C8orf34: variants seen among roughly 807,000 people sequenced by gnomAD.
The protein encoded by C8orf34 is uncharacterized protein C8orf34.
In C8orf34, 65 loss-of-function variants were observed where a neutral mutation model predicts 68.3. The observed-to-expected ratio is 0.95, with a 90% CI of 0.78 to 1.17. The LOEUF (loss-of-function observed/expected upper bound fraction) is 1.17, where lower values mean the gene tolerates loss of function less well. Ranked by LOEUF, C8orf34 falls within the 50% of genes most tolerant of loss-of-function variation. The pLI, the probability that C8orf34 is intolerant of heterozygous loss-of-function variation, is 0.00. For missense variants in C8orf34, 664 were observed against 655.4 expected (o/e 1.01, Z -0.14); for synonymous variants, 244 against 241.2 (o/e 1.01, Z -0.11).
At chr8:68,774,944 T>TAAAAAAAAAAAAAAA (rs1224756627) in intron 10 of C8orf34, among the ~76,000 whole-genome samples, 12 of 44,682 alleles carry the variant, frequency 2.7e-4, no homozygotes, top group African/African-American at 1.4e-3. Flanking sequence ...CTGTCTCCAC[T>TAAAAAAAAAAAAAAA]AAAAAAAAAA....
rs553033509 is a variant in C8orf34 at position 68,592,758 on chromosome 8, G to A, written c.1106-47618G>A. On this transcript the variant is annotated intron_variant, in intron 7 of 13. Transcript: ENST00000518698. Reference sequence around the variant, plus strand: ...TGAGTAGCTAGAATTACAGTCATGTGCCACCACACCCGGCTAAATTTTGTA... The same window carrying A: ...TGAGTAGCTAGAATTACAGTCATGTACCACCACACCCGGCTAAATTTTGTA... Among the ~76,000 whole-genome samples the A allele has an allele frequency of 2.8e-3, 430 of 151,776 alleles. 1 individual carries two copies. The highest frequency in any genetic ancestry group is 7.8e-3 in the African/African-American group (324 of 41,388).
chr8:68,330,895 C>G (rs1241196410), upstream of C8orf34: 9 of 861,538 alleles, frequency 1.0e-5, no homozygotes, highest in East Asian at 6.6e-5. Context: ...TCGCCTCCCG[C>G]CCCCTGATTC....
intron 10 of C8orf34, among the ~76,000 whole-genome samples, chr8:68,727,757 G>C (rs1249975837): frequency 1.3e-5 from 2 of 152,220 alleles, no homozygotes; most frequent in African/African-American, 4.8e-5. Flanking sequence ...AGCCTGAGCT[G>C]TGCATCAGCC....
chr8:68,379,825 G>T (rs918430745), intron 1 of C8orf34, among the ~76,000 whole-genome samples: 1 of 152,088 alleles, frequency 6.6e-6, no homozygotes, highest in Non-Finnish European at 1.5e-5. Context: ...TGTATACATC[G>T]TCACGCTTCT....
chr8:68,582,006 C>G (rs1306781541), intron 7 of C8orf34, among the ~76,000 whole-genome samples: 3 of 151,892 alleles, frequency 2.0e-5, no homozygotes, highest in African/African-American at 7.3e-5. Flanking sequence ...AAATTGTTTT[C>G]CCCTGTAGAG....
At chr8:68,608,885 G>A (rs969362000) in intron 7 of C8orf34, among the ~76,000 whole-genome samples, 4 of 152,044 alleles carry the variant, frequency 2.6e-5, no homozygotes, top group Non-Finnish European at 5.9e-5. Context: ...GAAATACTTG[G>A]AGCTGAGCAC....
intron 13 of C8orf34, among the ~76,000 whole-genome samples, chr8:68,817,157 A>G (rs912277287): frequency 6.6e-6 from 1 of 152,200 alleles, no homozygotes; most frequent in Non-Finnish European, 1.5e-5. Flanking sequence ...TTTTCTTATC[A>G]TGGAACTTAC....
At chr8:68,487,364 A>G (rs1243271366) in intron 4 of C8orf34, among the ~76,000 whole-genome samples, 2 of 152,226 alleles carry the variant, frequency 1.3e-5, no homozygotes, top group Non-Finnish European at 2.9e-5. Context: ...TCACAGAGAA[A>G]TAAGTTAAGG....
intron 1 of C8orf34, among the ~76,000 whole-genome samples, chr8:68,359,557 AT>A (rs1404563377): frequency 2.0e-5 from 3 of 152,212 alleles, no homozygotes; most frequent in Non-Finnish European, 4.4e-5. Context: ...AGAAATGAGC[AT>A]CAGGTGAGTT....
At chr8:68,817,739 T>C (rs1387405867) in intron 13 of C8orf34, among the ~76,000 whole-genome samples, 1 of 152,116 alleles carries the variant, frequency 6.6e-6, no homozygotes, top group African/African-American at 2.4e-5. Flanking sequence ...GAGGTTTAAG[T>C]GCCTCACAGT....
chr8:68,426,878 C>T (rs1439150730), intron 1 of C8orf34, among the ~76,000 whole-genome samples: 2 of 150,852 alleles, frequency 1.3e-5, no homozygotes, highest in Non-Finnish European at 3.0e-5. Context: ...TAAAAAAAAA[C>T]CAAACCAAAC....
At chr8:68,641,858 A>G (rs776818844) in intron 8 of C8orf34, among the ~76,000 whole-genome samples, 5 of 152,244 alleles carry the variant, frequency 3.3e-5, no homozygotes, top group Non-Finnish European at 7.3e-5. Context: ...ACCTGCATTT[A>G]AAGTCAGAAC....
chr8:68,418,801 C>T (rs913539936), intron 1 of C8orf34, among the ~76,000 whole-genome samples: 26 of 152,060 alleles, frequency 1.7e-4, no homozygotes, highest in African/African-American at 6.0e-4. Flanking sequence ...AAACTGGATC[C>T]CTTCCTTACA....
At chr8:68,544,720 G>C (rs187589244) in intron 7 of C8orf34, among the ~76,000 whole-genome samples, 1 of 152,130 alleles carries the variant, frequency 6.6e-6, no homozygotes, top group Admixed American at 6.6e-5. Context: ...CAGAACCAAA[G>C]AAGAGTCTAG....
chr8:68,618,039 A>T (rs1251282256), intron 7 of C8orf34, among the ~76,000 whole-genome samples: 3 of 151,940 alleles, frequency 2.0e-5, no homozygotes, highest in African/African-American at 7.2e-5. Context: ...TATTTGGACC[A>T]TCTATACCCT....
intron 3 of C8orf34, among the ~76,000 whole-genome samples, chr8:68,452,791 CTT>C: frequency 7.0e-6 from 1 of 143,476 alleles, no homozygotes; most frequent in Non-Finnish European, 1.5e-5. Context: ...ATCTATTTTC[CTT>C]TTTTTTTTGG....
At chr8:68,450,729 G>A (rs1007143141) in intron 3 of C8orf34, among the ~76,000 whole-genome samples, 2 of 152,092 alleles carry the variant, frequency 1.3e-5, no homozygotes, top group African/African-American at 4.8e-5. Flanking sequence ...TGCTGGAAAC[G>A]GATGTGCTGT....
intron 1 of C8orf34, among the ~76,000 whole-genome samples, chr8:68,418,615 A>G (rs892224656): frequency 2.0e-5 from 3 of 152,156 alleles, no homozygotes; most frequent in African/African-American, 4.8e-5. Context: ...ACAGCATGGT[A>G]CTGGTACCAA....
At chr8:68,720,414 A>G (rs1821637561) in intron 9 of C8orf34, among the ~76,000 whole-genome samples, 2 of 151,944 alleles carry the variant, frequency 1.3e-5, no homozygotes, top group Admixed American at 1.3e-4. Context: ...TAAGGGTTTG[A>G]AAGATTTCAT....
Sources: gnomAD v4.1 joint callset for allele counts (sites outside exome capture counted in the v4.1 genomes callset) on GRCh38, gnomAD v4.1.1 for gene constraint, MANE v1.5 for transcripts, NCBI Gene and HGNC (gene_info 2026-07-23, HGNC 2026-07-21) for gene names.